KIF1A: variants seen among roughly 807,000 people sequenced by gnomAD.
KIF1A encodes the protein kinesin-like protein KIF1A.
KIF1A carries 46 observed loss-of-function variants against 227.3 expected under a neutral mutation model. The ratio of observed to expected loss-of-function variants is 0.20; its 90% CI spans 0.16 to 0.26. KIF1A has a LOEUF of 0.26. Among genes scored for constraint, KIF1A ranks in the 10% least tolerant of loss-of-function variants. The pLI is 1.00. For missense variants in KIF1A, 1,683 were observed against 2,485.9 expected (o/e 0.68, Z 6.87); for synonymous variants, 1,022 against 1,012.8 (o/e 1.01, Z -0.17).
At chr2:240,737,202 C>T in intron 37 of KIF1A, 34 bp from the exon 38 acceptor site, 2 of 1,583,782 alleles carry the variant, frequency 1.3e-6, no homozygotes, top group South Asian at 1.1e-5. Flanking sequence ...AGGTCACTTC[C>T]CAGGGGGCAG....
intron 27 of KIF1A, among the ~76,000 whole-genome samples, chr2:240,754,299 G>C (rs1281526841): frequency 6.6e-6 from 1 of 152,194 alleles, no homozygotes; most frequent in African/African-American, 2.4e-5. Flanking sequence ...CACTGACCTC[G>C]GGCCCCAGGC....
Position 240,723,573 on chromosome 2 carries a change from T to C in KIF1A, c.4319-15A>G. The C allele has an allele frequency of 2.0e-6, 3 of 1,526,672 alleles. No homozygotes were observed. The highest frequency in any genetic ancestry group is 2.7e-6 in the Non-Finnish European group (3 of 1,129,656). The allele number at this position is 1,526,672 out of a possible 1,614,324, so 94.6% of individuals were successfully genotyped here. A position where few individuals can be genotyped will look rare whatever the true frequency, so the allele number is the denominator to read the frequency against. On this transcript the variant is annotated splice_polypyrimidine_tract_variant and intron_variant, in intron 41 of 48. Coordinates refer to ENST00000498729, the MANE Select transcript of KIF1A (RefSeq NM_001244008.2). ...GCGCTGCATCCCTGCATGGGGCACG[T>C]GGACATTCCACCCCTACCTGATGGG... is the stretch of plus-strand genomic sequence containing the variant.
Position 240,765,773 on chromosome 2 carries a change from A to G in KIF1A, c.1705T>C (p.Cys569Arg). 6.2e-7 allele frequency: 1 copy of G among 1,613,414 alleles called. No individual in the cohort carries two copies. Among genetic ancestry groups the G allele is most frequent in the East Asian group, 2.2e-5 (1 of 44,874 alleles). Residue 569 changes from cysteine (C) to arginine (R), a missense_variant, in exon 20 of 49, where the codon TGT becomes CGT. Physicochemically the swap from Cys to Arg is radical, Grantham distance 180 (BLOSUM62 -3). Around this residue, in one of 12 missense-constraint regions of KIF1A, gnomAD observed 217 missense variants for 427.0 expected, o/e 0.51. Coordinates refer to ENST00000498729, the MANE Select transcript of KIF1A (RefSeq NM_001244008.2). ...GSEAVVTLEP[C>R]EGADTYVNGK... The stretch of plus-strand genomic sequence containing the variant: ...TTGACGTAGGTGTCTGCCCCCTCAC[A>G]GGGCTCCAAGGTCACCACAGCTACA...
In KIF1A at chr2:240,778,774, G is replaced by A. The variant is rs903412137; in HGVS notation, c.883-2848C>T. Among the ~76,000 whole-genome samples the A allele has an allele frequency of 6.0e-5, 9 of 151,090 alleles. No individual in the cohort carries two copies. The East Asian group carries it at 1.2e-3, about 20-fold the overall frequency. On this transcript the variant is annotated intron_variant, in intron 10 of 48. Coordinates refer to ENST00000498729, the MANE Select transcript of KIF1A (RefSeq NM_001244008.2). The surrounding 1 kb of genome is among the most constrained non-coding windows in gnomAD (Gnocchi z 7.2). ...AGCTTTCCTCACGATTCTGCGCACC[G>A]TTCCACACACGGTTCCTCACCGCTC... is the stretch of plus-strand genomic sequence containing the variant.
intron 4 of KIF1A, 85 bp from the exon 5 acceptor site, chr2:240,787,401 T>G: frequency 8.2e-7 from 1 of 1,222,086 alleles, no homozygotes; most frequent in Non-Finnish European, 1.2e-6. Context: ...GGGCAGCCTG[T>G]GCCAGGCGGG....
intron 1 of KIF1A, among the ~76,000 whole-genome samples, chr2:240,815,674 G>T (rs1373980826): frequency 1.3e-5 from 2 of 152,204 alleles, no homozygotes; most frequent in Non-Finnish European, 2.9e-5. Flanking sequence ...GCACCGTGCT[G>T]GCCCCCGTGG....
At chr2:240,732,673 C>G (rs1328574535) in intron 38 of KIF1A, among the ~76,000 whole-genome samples, 1 of 57,722 alleles carries the variant, frequency 1.7e-5, no homozygotes, top group African/African-American at 7.4e-5. Flanking sequence ...ATGAGGAGTT[C>G]GGGGGTGAGG....
At position 240,720,060 on chromosome 2, in the gene KIF1A, C is replaced by T. The variant is rs2045112320; in HGVS notation, c.4869-134G>A. 7.5e-6 allele frequency: 6 copies of T among 799,518 alleles called. No homozygotes were observed. In the South Asian group the frequency reaches 1.4e-4, roughly 18 times the overall value. 49.5% of individuals were successfully genotyped at this position (799,518 alleles called of 1,614,324 possible). ...CTTCGCAGGGTCTCTCCAGCTGTGC[C>T]CACAGTGGGAGCTCCCGGGGCCCGT... On this transcript the variant is annotated intron_variant, in intron 45 of 48. Transcript: ENST00000498729.
At chr2:240,723,623 G>T (rs2045661424) in intron 41 of KIF1A, 65 bp from the exon 42 acceptor site, 1 of 1,470,426 alleles carries the variant, frequency 6.8e-7, no homozygotes, top group Admixed American at 2.2e-5. Flanking sequence ...ACCCATCCTA[G>T]AGGTCCGCCC....
Position 240,725,409 on chromosome 2 carries a change from G to T in KIF1A, c.4123-5C>A. On this transcript the variant is annotated splice_region_variant and splice_polypyrimidine_tract_variant and intron_variant, in intron 39 of 48. Coordinates refer to ENST00000498729, the MANE Select transcript of KIF1A (RefSeq NM_001244008.2). This position sits in a 1 kb window ranked among gnomAD's most constrained non-coding sequence, Gnocchi z 5.8. ...CGGCTGGGTGCAGTTCTCCATCTGAGATAGGCGGGAGCAGGACTCAGGCAC... is the reference window on the plus strand; with the variant it reads ...CGGCTGGGTGCAGTTCTCCATCTGATATAGGCGGGAGCAGGACTCAGGCAC... The T allele has an allele frequency of 6.2e-7, 1 of 1,611,964 alleles. No homozygotes were observed. The highest frequency in any genetic ancestry group is 8.5e-7 in the Non-Finnish European group (1 of 1,179,606).
At chr2:240,818,561 G>A (rs2058491070) in intron 1 of KIF1A, 1 of 153,560 alleles carries the variant, frequency 6.5e-6, no homozygotes, top group Non-Finnish European at 1.4e-5. Flanking sequence ...ACTCCTGACT[G>A]CCCCACTCCA....
rs1034765624 is a variant in KIF1A, at chr2:240,757,513, G to A, written c.2664C>T (p.Pro888=). The change falls in exon 27 of 49, where the codon CCC becomes CCT. Residue 888 remains proline (P), a synonymous_variant. Coordinates refer to ENST00000498729, the MANE Select transcript of KIF1A (RefSeq NM_001244008.2). This position sits in a 1 kb window ranked among gnomAD's most constrained non-coding sequence, Gnocchi z 6.2. ...CGTCGGAGTCGGGGCTCGAGAAGGT[G>A]GGGGAGGGGGTGAGAGCAGCCATGC... ...SERMAALTPS[P]TFSSPDSDAT... 5.8e-6 allele frequency: 9 copies of A among 1,550,552 alleles called. No homozygotes were observed. The Admixed American group carries it at 1.8e-4, about 30-fold the overall frequency.
chr2:240,759,054 C>T (rs1251535891), intron 25 of KIF1A, among the ~76,000 whole-genome samples: 1 of 152,106 alleles, frequency 6.6e-6, no homozygotes, highest in Non-Finnish European at 1.5e-5. Flanking sequence ...TTCCAAGCCA[C>T]GTAACCTGGG....
chr2:240,782,602 G>C lies in KIF1A; in HGVS notation c.870C>G (p.Ser290=), dbSNP rs781227878. The C allele has an allele frequency of 3.2e-6, 5 of 1,552,396 alleles. No individual in the cohort carries two copies. The highest frequency in any genetic ancestry group is 4.4e-6 in the Non-Finnish European group (5 of 1,147,812). ...GGAAGCCGCTTACCTTGTTGGGTCC[G>C]GAGTCCTGAAAAGGAAAAGACAGAG... ...KVISALAEMD[S]GPNKNKKKKK... Residue 290 remains serine (S), a synonymous_variant, in exon 10 of 49, where the codon TCC becomes TCG. Transcript: ENST00000498729.
At chr2:240,744,768 G>A (rs10198394) in intron 32 of KIF1A, among the ~76,000 whole-genome samples, 50,035 of 152,102 alleles carry the variant, frequency 0.33, 8,506 homozygotes, top group African/African-American at 0.41. Context: ...GCCCCCACCT[G>A]TGGTGCTTTG....
At chr2:240,741,206 G>A (rs571561930) in intron 35 of KIF1A, 63 bp downstream of exon 35, 97 of 1,150,218 alleles carry the variant, frequency 8.4e-5, no homozygotes, top group East Asian at 2.3e-4. Context: ...TCAAGTCCTC[G>A]TCCCTCTCCG....
intron 2 of KIF1A, among the ~76,000 whole-genome samples, chr2:240,797,048 C>T (rs538807186): frequency 6.6e-6 from 1 of 152,342 alleles, no homozygotes; most frequent in South Asian, 2.1e-4. Context: ...CCACTTGATC[C>T]TGTGACGGCA....
chr2:240,738,972 T>C (rs959985497), intron 37 of KIF1A, among the ~76,000 whole-genome samples: 1 of 152,268 alleles, frequency 6.6e-6, no homozygotes, highest in Non-Finnish European at 1.5e-5. Flanking sequence ...GCTTACGTTC[T>C]GCCTATAAAT....
In KIF1A at chr2:240,792,180, C is replaced by T. The variant is rs150844405; in HGVS notation, c.107-2868G>A. On this transcript the variant is annotated intron_variant, in intron 2 of 48. Transcript: ENST00000498729. The surrounding 1 kb of genome is among the most constrained non-coding windows in gnomAD (Gnocchi z 4.5). The stretch of plus-strand genomic sequence containing the variant: ...CGCAACACCTCCCAGCCCTGAGGTC[C>T]GCCAGGCCTGTGGAGACAGGCAGCC... Among the ~76,000 whole-genome samples, 139 of 152,224 alleles carry T rather than the reference C, an allele frequency of 9.1e-4. 3 individuals carry two copies. In the South Asian group the frequency reaches 0.018, roughly 19 times the overall value.
Sources: allele counts gnomAD v4.1 joint callset (sites outside exome capture counted in the v4.1 genomes callset), GRCh38; gene constraint gnomAD v4.1.1; regional missense constraint gnomAD v4.1.1; non-coding constraint Gnocchi (gnomAD v3.1); transcripts MANE v1.5; gene names NCBI Gene and HGNC (gene_info 2026-07-23, HGNC 2026-07-21).